PXDN: variants seen among roughly 807,000 people sequenced by gnomAD.
PXDN encodes peroxidasin homolog.
PXDN carries 77 observed loss-of-function variants against 140.3 expected under a neutral mutation model. The ratio of observed to expected loss-of-function variants is 0.55; its 90% CI spans 0.46 to 0.66. The LOEUF is 0.66. PXDN is among the 30% of genes least tolerant of loss of function. PXDN has a pLI of 0.00. For missense variants in PXDN, 1,838 were observed against 2,039.5 expected, an observed-to-expected ratio of 0.90 and a Z score of 1.90; for synonymous variants, 911 against 857.4, an observed-to-expected ratio of 1.06 and a Z score of -1.09.
intron 1 of PXDN, among the ~76,000 whole-genome samples, chr2:1,730,728 C>T (rs1002480092): frequency 3.3e-5 from 5 of 152,166 alleles, no homozygotes; most frequent in African/African-American, 1.2e-4. Context: ...CATTACTTCT[C>T]TAATTACCCA....
intron 1 of PXDN, among the ~76,000 whole-genome samples, chr2:1,709,272 G>A (rs548116719): frequency 1.3e-5 from 2 of 152,300 alleles, no homozygotes; most frequent in African/African-American, 2.4e-5. Context: ...CACGGCGCTC[G>A]CTGCAGTGAA....
At chr2:1,725,477 GAA>G (rs1463775674) in intron 1 of PXDN, among the ~76,000 whole-genome samples, 1 of 151,828 alleles carries the variant, frequency 6.6e-6, no homozygotes, top group Non-Finnish European at 1.5e-5. Flanking sequence ...AAAAACCCTA[GAA>G]GAAAACCTAG....
In PXDN at chr2:1,638,726, G is replaced by A. The variant is rs540482094; in HGVS notation, c.4206+120C>T. The A allele has an allele frequency of 4.7e-4, 689 of 1,466,234 alleles. 1 individual carries two copies. Among genetic ancestry groups the A allele is most frequent in the Non-Finnish European group, 6.2e-4 (664 of 1,064,640 alleles). 90.8% of individuals were successfully genotyped at this position (1,466,234 alleles called of 1,614,324 possible). ...ACACCCCCAAGGCTCCAGGGTCTGGGTCCTGTGTGGGCAGTTGAACAGTTG... is the reference window on the plus strand; with the variant it reads ...ACACCCCCAAGGCTCCAGGGTCTGGATCCTGTGTGGGCAGTTGAACAGTTG... On this transcript the variant is annotated intron_variant, in intron 21 of 22. Transcript: ENST00000252804.
At chr2:1,734,626 T>C (rs1685388921) in intron 1 of PXDN, among the ~76,000 whole-genome samples, 1 of 152,168 alleles carries the variant, frequency 6.6e-6, no homozygotes, top group African/African-American at 2.4e-5. Context: ...CCCAGCACTT[T>C]GGGAGGCCAA....
chr2:1,690,902 G>C (rs932436425), intron 3 of PXDN, among the ~76,000 whole-genome samples: 3 of 152,142 alleles, frequency 2.0e-5, no homozygotes, highest in Admixed American at 6.5e-5. Context: ...AATCAAAACA[G>C]ATTTCAGAGT....
At chr2:1,679,074 G>A (rs367840573) in intron 7 of PXDN, among the ~76,000 whole-genome samples, 93 of 147,788 alleles carry the variant, frequency 6.3e-4, no homozygotes, top group African/African-American at 2.2e-3. Flanking sequence ...ATAAACAGCC[G>A]TGTATGTGCA....
At chr2:1,743,998 T>A (rs934910927) in intron 1 of PXDN, among the ~76,000 whole-genome samples, 2 of 152,038 alleles carry the variant, frequency 1.3e-5, no homozygotes, top group South Asian at 2.1e-4. Flanking sequence ...CAAAGGCGGC[T>A]ACGAAGGCCG....
rs747586351 is a variant in PXDN, at chr2:1,663,668, A to G, written c.1504T>C (p.Cys502Arg). 5.6e-6 allele frequency: 9 copies of G among 1,613,914 alleles called. No homozygotes were observed. Among genetic ancestry groups the G allele is most frequent in the Non-Finnish European group, 7.6e-6 (9 of 1,179,918 alleles). ...VALHDQGQYECQAVNIIGSQK... is the reference protein window; with the variant it reads ...VALHDQGQYERQAVNIIGSQK... ...GAGCCGATGATGTTGACAGCCTGGC[A>G]TTCGTACTGGCCCTGGTCGTGGAGG... Residue 502 changes from cysteine (C) to arginine (R), a missense_variant, in exon 12 of 23, where the codon TGC (cysteine) becomes CGC (arginine). This residue lies in a region of PXDN where 537 missense variants were observed against 583.9 expected (regional missense o/e 0.92). Transcript: ENST00000252804.
At chr2:1,635,890 G>A (rs754587236) in intron 21 of PXDN, 10 of 347,620 alleles carry the variant, frequency 2.9e-5, no homozygotes, top group East Asian at 1.5e-4. Context: ...CTTATTTTCC[G>A]AGTAACAACA....
intron 1 of PXDN, among the ~76,000 whole-genome samples, chr2:1,717,256 G>C (rs1362888120): frequency 6.6e-6 from 1 of 152,192 alleles, no homozygotes; most frequent in Admixed American, 6.5e-5. Context: ...CCTAACAATA[G>C]ATTAATGCCT....
At chr2:1,697,023 AG>A (rs567188218) in intron 1 of PXDN, among the ~76,000 whole-genome samples, 2 of 152,202 alleles carry the variant, frequency 1.3e-5, no homozygotes, top group Non-Finnish European at 2.9e-5. Flanking sequence ...AGAGCTCAGG[AG>A]GGGTCTGTTC....
chr2:1,735,369 T>G (rs889999333), intron 1 of PXDN, among the ~76,000 whole-genome samples: 1 of 152,214 alleles, frequency 6.6e-6, no homozygotes, highest in Non-Finnish European at 1.5e-5. Flanking sequence ...TCGCTATCTA[T>G]AGCAGTTACA....
chr2:1,700,292 C>G (rs557419999), intron 1 of PXDN, among the ~76,000 whole-genome samples: 1 of 152,262 alleles, frequency 6.6e-6, no homozygotes, highest in South Asian at 2.1e-4. Flanking sequence ...CAACTCCTGA[C>G]CTCAGGTGAT....
intron 21 of PXDN, 130 bp downstream of exon 21, chr2:1,638,716 C>T: frequency 7.1e-7 from 1 of 1,412,320 alleles, no homozygotes; most frequent in Non-Finnish European, 9.8e-7. Flanking sequence ...CCCAAGGCTC[C>T]AGGGTCTGGG....
intron 1 of PXDN, among the ~76,000 whole-genome samples, chr2:1,741,573 C>T (rs1046980869): frequency 2.0e-5 from 3 of 152,108 alleles, no homozygotes; most frequent in Non-Finnish European, 2.9e-5. Context: ...GTATCAGACC[C>T]GCTTAAACAC....
chr2:1,722,071 T>C (rs1685066123), intron 1 of PXDN, among the ~76,000 whole-genome samples: 1 of 152,024 alleles, frequency 6.6e-6, no homozygotes, highest in African/African-American at 2.4e-5. Context: ...AATGAGAAAA[T>C]ACCACAAGAC....
At chr2:1,731,149 C>T (rs13026290) in intron 1 of PXDN, among the ~76,000 whole-genome samples, 60,295 of 115,700 alleles carry the variant, frequency 0.52, 13,149 homozygotes, top group Admixed American at 0.64. Flanking sequence ...TGAGAGCGCG[C>T]GCGCACACAC....
Position 1,649,686 on chromosome 2 carries a change from G to T in PXDN, c.2105-11C>A. ...CGTTGTAGTGGTAACCTGGGACGTG[G>T]AGAAAAGCAAGACGCACTCAATTCC... On this transcript the variant is annotated splice_polypyrimidine_tract_variant and intron_variant, in intron 16 of 22. Coordinates refer to ENST00000252804, the MANE Select transcript of PXDN (RefSeq NM_012293.3). This position sits in a 1 kb window ranked among gnomAD's most constrained non-coding sequence, Gnocchi z 7.1. The T allele has an allele frequency of 6.2e-7, 1 of 1,613,556 alleles. No individual in the cohort carries two copies. Among genetic ancestry groups the T allele is most frequent in the Non-Finnish European group, 8.5e-7 (1 of 1,179,740 alleles).
intron 14 of PXDN, among the ~76,000 whole-genome samples, chr2:1,656,869 T>C (rs1330266166): frequency 7.2e-6 from 1 of 138,314 alleles, no homozygotes; most frequent in South Asian, 2.4e-4. Flanking sequence ...CCCTCCTGAC[T>C]GAAACCTGCC....
Sources: allele counts gnomAD v4.1 joint callset (sites outside exome capture counted in the v4.1 genomes callset), GRCh38; gene constraint gnomAD v4.1.1; regional missense constraint gnomAD v4.1.1; non-coding constraint Gnocchi (gnomAD v3.1); transcripts MANE v1.5; gene names NCBI Gene and HGNC (gene_info 2026-07-23, HGNC 2026-07-21).